The following RCL1 variants were observed in gnomAD, a reference collection of about 807,000 sequenced individuals.
RCL1 encodes the protein RNA 3'-terminal phosphate cyclase-like protein.
RCL1 carries 24 observed loss-of-function variants against 42.4 expected under a neutral mutation model. That is an observed-to-expected ratio of 0.57 (90% CI 0.41 to 0.80). The LOEUF is 0.80. Ranked by LOEUF, RCL1 falls within the 30% of genes least tolerant of loss-of-function variation. RCL1 has a pLI of 0.00. For synonymous variants in RCL1, 228 were observed against 177.3 expected, an observed-to-expected ratio of 1.29 and a Z score of -2.27; for missense variants, 578 against 467.9, an observed-to-expected ratio of 1.24 and a Z score of -2.17.
intron 5 of RCL1, among the ~76,000 whole-genome samples, chr9:4,840,908 G>A (rs1253017288): frequency 1.3e-5 from 2 of 152,106 alleles, no homozygotes; most frequent in African/African-American, 4.8e-5. Context: ...ATGACCCGCA[G>A]AGAGGCAGGT....
chr9:4,849,109 A>G (rs546719692), intron 7 of RCL1, among the ~76,000 whole-genome samples: 4 of 147,454 alleles, frequency 2.7e-5, no homozygotes, highest in Admixed American at 2.7e-4. Flanking sequence ...TTTTTTTTGC[A>G]TATACTCAAT....
intron 1 of RCL1, among the ~76,000 whole-genome samples, chr9:4,820,138 A>G (rs1011977609): frequency 1.3e-5 from 2 of 152,200 alleles, no homozygotes; most frequent in Admixed American, 1.3e-4. Context: ...ACAGTGTAGT[A>G]AAATTGTGCT....
chr9:4,811,363 C>A (rs1305725127), intron 1 of RCL1, among the ~76,000 whole-genome samples: 1 of 151,420 alleles, frequency 6.6e-6, no homozygotes, highest in East Asian at 1.9e-4. Flanking sequence ...AACATTAGAA[C>A]TTATTTCTCT....
chr9:4,823,908 A>G (rs991540833), intron 2 of RCL1, among the ~76,000 whole-genome samples: 13 of 151,906 alleles, frequency 8.6e-5, no homozygotes, highest in African/African-American at 3.1e-4. Context: ...ATTCTAGATC[A>G]TTTTAAAAAA....
At chr9:4,798,176 G>T (rs1249208031) in intron 1 of RCL1, among the ~76,000 whole-genome samples, 1 of 152,180 alleles carries the variant, frequency 6.6e-6, no homozygotes, top group Non-Finnish European at 1.5e-5. Flanking sequence ...TGATGGACCT[G>T]GGTGTTCCTC....
At chr9:4,817,390 A>G (rs1213939234) in intron 1 of RCL1, among the ~76,000 whole-genome samples, 2 of 150,888 alleles carry the variant, frequency 1.3e-5, no homozygotes, top group African/African-American at 2.4e-5. Flanking sequence ...ATTGAGTCCT[A>G]TCTTATTTCC....
At chr9:4,845,830 C>A (rs991059840) in intron 7 of RCL1, among the ~76,000 whole-genome samples, 1 of 152,204 alleles carries the variant, frequency 6.6e-6, no homozygotes, top group African/African-American at 2.4e-5. Flanking sequence ...CATCTCTCTT[C>A]TTCCCCTAAG....
chr9:4,838,277 C>A (rs778677330), intron 5 of RCL1, among the ~76,000 whole-genome samples: 23 of 152,192 alleles, frequency 1.5e-4, no homozygotes, highest in Non-Finnish European at 7.4e-5. Flanking sequence ...ACAAGATGAC[C>A]TACCAGCCAG....
intron 4 of RCL1, 95 bp downstream of exon 4, chr9:4,833,323 A>G: frequency 1.1e-6 from 1 of 905,522 alleles, no homozygotes; most frequent in Middle Eastern, 2.1e-4. Context: ...TATGTGTGTC[A>G]CATTTGAAGT....
rs116140322 is a variant in RCL1 at position 4,841,239 on chromosome 9, G to C, written c.592G>C (p.Val198Leu). Reference protein sequence around the residue: ...IKRIRGMAYSVRVSPQMANRI... With the variant: ...IKRIRGMAYSLRVSPQMANRI... ...CTTAACTCCAGGCTGCAGGTACTCTGTACGTGTGTCACCTCAGATGGCGAA... is the reference window on the plus strand; with the variant it reads ...CTTAACTCCAGGCTGCAGGTACTCTCTACGTGTGTCACCTCAGATGGCGAA... The change falls in exon 6 of 9, where the codon GTA becomes CTA. Residue 198 changes from valine to leucine, a missense_variant. By Grantham distance (32) the Val-to-Leu change is conservative (BLOSUM62 1). Coordinates refer to ENST00000381750, the MANE Select transcript of RCL1 (RefSeq NM_005772.5). The C allele has an allele frequency of 6.2e-7, 1 of 1,613,986 alleles. No individual in the cohort carries two copies. Among genetic ancestry groups the C allele is most frequent in the East Asian group, 2.2e-5 (1 of 44,882 alleles).
intron 2 of RCL1, among the ~76,000 whole-genome samples, chr9:4,826,109 A>G (rs987853612): frequency 2.0e-5 from 3 of 151,910 alleles, no homozygotes; most frequent in African/African-American, 4.8e-5. Context: ...AAAAAGAAAA[A>G]AAAAATTAGC....
In RCL1 at chr9:4,822,193, G is replaced by A. The variant is rs370995197; in HGVS notation, c.137-1355G>A. Among the ~76,000 whole-genome samples, 164 of 152,312 alleles carry A rather than the reference G, an allele frequency of 1.1e-3. 2 individuals are homozygous for A. The highest frequency in any genetic ancestry group is 3.7e-3 in the African/African-American group (152 of 41,564). On this transcript the variant is annotated intron_variant, in intron 1 of 8. Transcript: ENST00000381750. ...GTGTTATGTAACAGACTAGGTAGATGGGAATTGCTTAGTTGATCCACTCAC... is the reference window on the plus strand; with the variant it reads ...GTGTTATGTAACAGACTAGGTAGATAGGAATTGCTTAGTTGATCCACTCAC...
At chr9:4,840,780 G>T (rs942583204) in intron 5 of RCL1, among the ~76,000 whole-genome samples, 4 of 152,188 alleles carry the variant, frequency 2.6e-5, no homozygotes, top group Non-Finnish European at 5.9e-5. Context: ...CCCAGGTCCT[G>T]TGTGGTGTCT....
chr9:4,817,760 G>A lies in RCL1; in HGVS notation c.137-5788G>A, dbSNP rs563112034. ...AATTTGCCTGCCTCAGCCTCCCAAA[G>A]TGCTGGGATTACAGGCGTGAGCCAC... On this transcript the variant is annotated intron_variant, in intron 1 of 8. Coordinates refer to ENST00000381750, the MANE Select transcript of RCL1 (RefSeq NM_005772.5). Among the ~76,000 whole-genome samples, 5 of 151,908 alleles carry A rather than the reference G, an allele frequency of 3.3e-5. No individual in the cohort carries two copies. The East Asian group carries it at 9.7e-4, about 29-fold the overall frequency.
At chr9:4,817,471 CTTT>C (rs34793899) in intron 1 of RCL1, among the ~76,000 whole-genome samples, 5 of 9,128 alleles carry the variant, frequency 5.5e-4, no homozygotes, top group African/African-American at 9.3e-4. Context: ...TTTTTTTAAT[CTTT>C]TTTTTTTTTT....
At chr9:4,814,602 G>A (rs1202266359) in intron 1 of RCL1, among the ~76,000 whole-genome samples, 1 of 152,138 alleles carries the variant, frequency 6.6e-6, no homozygotes, top group Non-Finnish European at 1.5e-5. Flanking sequence ...TGGTTGATTC[G>A]TGTCTCCTTT....
At chr9:4,799,604 C>A (rs1842965940) in intron 1 of RCL1, among the ~76,000 whole-genome samples, 1 of 152,136 alleles carries the variant, frequency 6.6e-6, no homozygotes, top group South Asian at 2.1e-4. Flanking sequence ...TCTTTAATTT[C>A]TGTAATTTTG....
intron 7 of RCL1, among the ~76,000 whole-genome samples, chr9:4,845,860 C>G (rs1383936135): frequency 6.6e-6 from 1 of 152,194 alleles, no homozygotes; most frequent in Non-Finnish European, 1.5e-5. Flanking sequence ...AGACTTCTTT[C>G]TTTGTATTGT....
chr9:4,810,340 A>G (rs937023317), intron 1 of RCL1, among the ~76,000 whole-genome samples: 3 of 152,122 alleles, frequency 2.0e-5, no homozygotes, highest in African/African-American at 7.2e-5. Flanking sequence ...CAGCCACACC[A>G]TTCCCTCCCA....
Sources: gnomAD v4.1 joint callset for allele counts (sites outside exome capture counted in the v4.1 genomes callset) on GRCh38, gnomAD v4.1.1 for gene constraint, MANE v1.5 for transcripts, NCBI Gene and HGNC (gene_info 2026-07-23, HGNC 2026-07-21) for gene names.